The following ZC3H12B variants were observed in gnomAD, a reference collection of about 807,000 sequenced individuals.
ZC3H12B encodes zinc finger CCCH-type containing 12B.
In ZC3H12B, 7 loss-of-function variants were observed where a neutral mutation model predicts 43.9. That is an observed-to-expected ratio of 0.16 (90% confidence interval 0.09 to 0.30). ZC3H12B has a LOEUF of 0.30. Ranked by LOEUF, ZC3H12B falls within the 10% of genes least tolerant of loss-of-function variation. The pLI is 1.00. For missense variants in ZC3H12B, 475 were observed against 670.2 expected, an observed-to-expected ratio of 0.71 and a Z score of 3.22; for synonymous variants, 222 against 241.7, an observed-to-expected ratio of 0.92 and a Z score of 0.76.
intron 3 of ZC3H12B, among the ~76,000 whole-genome samples, chrX:65,461,197 C>G (rs752593702): frequency 5.4e-5 from 6 of 111,889 alleles, no homozygotes; most frequent in Admixed American, 4.7e-4. Flanking sequence ...ATTAAAAAGT[C>G]AGGAAACAAC....
At chrX:65,129,257 G>GTGTA in the ZC3H12B span, among the ~76,000 whole-genome samples, 135 of 85,983 alleles carry the variant, frequency 1.6e-3, 1 homozygote, top group African/African-American at 9.9e-3. Context: ...GTGTATATAT[G>GTGTA]TATATATATA....
chrX:65,240,758 G>T, the ZC3H12B span, among the ~76,000 whole-genome samples: 1 of 112,141 alleles, frequency 8.9e-6, no homozygotes. Context: ...ATTTGTAGCG[G>T]TTTTTGTTAA....
chrX:65,423,837 G>A (rs148704479), intron 3 of ZC3H12B, among the ~76,000 whole-genome samples: 173 of 111,805 alleles, frequency 1.5e-3, no homozygotes, highest in Middle Eastern at 0.014. Flanking sequence ...CTTTGGTTGT[G>A]CAGAAACTCT....
the ZC3H12B span, among the ~76,000 whole-genome samples, chrX:65,080,962 G>T: frequency 9.3e-6 from 1 of 108,093 alleles, no homozygotes; most frequent in African/African-American, 3.4e-5. Context: ...CAATAAAACA[G>T]TAAAAAGTTA....
At chrX:65,050,233 A>C in the ZC3H12B span, among the ~76,000 whole-genome samples, 1 of 111,213 alleles carries the variant, frequency 9.0e-6, no homozygotes. Flanking sequence ...TGGAAGTGCA[A>C]CTGCTTTTTA....
chrX:65,109,708 C>T, the ZC3H12B span, among the ~76,000 whole-genome samples: 1 of 111,634 alleles, frequency 9.0e-6, no homozygotes, highest in African/African-American at 3.2e-5. Flanking sequence ...CATGAGTGTA[C>T]ACCCAGGGAG....
chrX:65,232,305 G>A, the ZC3H12B span, among the ~76,000 whole-genome samples: 35 of 110,951 alleles, frequency 3.2e-4, no homozygotes, highest in African/African-American at 1.1e-3. Flanking sequence ...TTGATTCTGG[G>A]AACTAATAAA....
chrX:65,036,247 A>C, the ZC3H12B span, among the ~76,000 whole-genome samples: 195 of 111,948 alleles, frequency 1.7e-3, 1 homozygote, highest in African/African-American at 5.9e-3. Flanking sequence ...TCCACAGATG[A>C]CACCTATCAA....
At chrX:65,327,076 G>A in the ZC3H12B span, among the ~76,000 whole-genome samples, 1 of 111,119 alleles carries the variant, frequency 9.0e-6, no homozygotes, top group Admixed American at 9.6e-5. Context: ...GACTCCTCAA[G>A]AAGCTAAAAA....
chrX:65,211,679 TTA>T, the ZC3H12B span, among the ~76,000 whole-genome samples: 1 of 89,279 alleles, frequency 1.1e-5, no homozygotes, highest in Non-Finnish European at 2.1e-5. Flanking sequence ...TATTATATAA[TTA>T]TATATATAAT....
the ZC3H12B span, among the ~76,000 whole-genome samples, chrX:65,115,389 A>C: frequency 9.5e-5 from 10 of 105,473 alleles, no homozygotes; most frequent in East Asian, 3.0e-4. Flanking sequence ...TATTTCATTC[A>C]TTTTTTTTTT....
At chrX:65,271,158 C>A in the ZC3H12B span, 1 of 112,235 alleles carries the variant, frequency 8.9e-6, no homozygotes, top group Admixed American at 9.4e-5. Flanking sequence ...GTCTAAGGCT[C>A]CAAGATATAG....
At chrX:65,172,219 C>A in the ZC3H12B span, among the ~76,000 whole-genome samples, 1 of 112,600 alleles carries the variant, frequency 8.9e-6, no homozygotes, top group Non-Finnish European at 1.9e-5. Context: ...TGTTTATTGG[C>A]TACATAAATG....
Position 65,502,647 on chromosome X carries a change from G to T in ZC3H12B, c.1949G>T (p.Gly650Val), listed in dbSNP as rs761811198. 6 of 1,207,028 alleles carry T rather than the reference G, an allele frequency of 5.0e-6. No homozygotes were observed. In the African/African-American group the frequency reaches 5.3e-5, roughly 11 times the overall value. ...TATGGCCCAGAGGATTCTAAGCAAG[G>T]CCCCCACAAACAGTCAGTCCCCCAC... The change falls in exon 5 of 5, where the codon GGC (glycine) becomes GTC (valine). Residue 650 changes from glycine to valine, a missense_variant. Physicochemically the swap from Gly to Val is moderately radical, Grantham distance 109. Coordinates refer to ENST00000338957, the Ensembl canonical transcript of ZC3H12B.
intron 3 of ZC3H12B, among the ~76,000 whole-genome samples, chrX:65,453,542 G>T (rs1426094993): frequency 1.9e-5 from 2 of 105,838 alleles, no homozygotes. Context: ...TCAACATGGT[G>T]AAACACTTTC....
chrX:65,287,713 C>CA, the ZC3H12B span, among the ~76,000 whole-genome samples: 14 of 110,622 alleles, frequency 1.3e-4, no homozygotes, highest in Admixed American at 2.9e-4. Context: ...TTAAAAACTG[C>CA]AAAAAAATGC....
At chrX:65,412,455 C>T (rs764068002) in intron 3 of ZC3H12B, among the ~76,000 whole-genome samples, 1 of 111,032 alleles carries the variant, frequency 9.0e-6, no homozygotes, top group Admixed American at 9.8e-5. Context: ...TGTTTGAGTA[C>T]ATATTTTCAA....
At chrX:65,263,954 T>C in the ZC3H12B span, among the ~76,000 whole-genome samples, 1 of 111,549 alleles carries the variant, frequency 9.0e-6, no homozygotes, top group Middle Eastern at 4.6e-3. Context: ...GTGTACTCTG[T>C]ATAAACCATG....
At chrX:65,149,067 T>C in the ZC3H12B span, among the ~76,000 whole-genome samples, 1 of 111,833 alleles carries the variant, frequency 8.9e-6, no homozygotes, top group Non-Finnish European at 1.9e-5. Flanking sequence ...GGTTAGGACT[T>C]GTGAAGGAGA....
Sources: allele counts gnomAD v4.1 joint callset (sites outside exome capture counted in the v4.1 genomes callset), GRCh38; gene constraint gnomAD v4.1.1; transcripts MANE v1.5; gene names NCBI Gene and HGNC (gene_info 2026-07-23, HGNC 2026-07-21).